The following DYNC1I1 variants were observed in gnomAD, a reference collection of about 807,000 sequenced individuals.
DYNC1I1 encodes the protein cytoplasmic dynein 1 intermediate chain 1.
DYNC1I1 carries 43 observed loss-of-function variants against 86.6 expected under a neutral mutation model. That is an observed-to-expected ratio of 0.50 (90% CI 0.39 to 0.64). The LOEUF (loss-of-function observed/expected upper bound fraction) is 0.64. Among genes scored for constraint, DYNC1I1 ranks in the 30% least tolerant of loss-of-function variants. The pLI is 0.00. For missense variants in DYNC1I1, 604 were observed against 788.8 expected (o/e 0.77, Z 2.81); for synonymous variants, 262 against 283.7 (o/e 0.92, Z 0.77).
intron 10 of DYNC1I1, among the ~76,000 whole-genome samples, chr7:96,013,271 G>A (rs937274627): frequency 2.6e-5 from 4 of 152,090 alleles, no homozygotes; most frequent in African/African-American, 9.7e-5. Context: ...GTGGCATGAT[G>A]CAAGAAATGA....
chr7:96,058,194 T>C (rs1436700591), intron 14 of DYNC1I1, among the ~76,000 whole-genome samples: 1 of 152,226 alleles, frequency 6.6e-6, no homozygotes, highest in African/African-American at 2.4e-5. Flanking sequence ...GTCAAAAGAA[T>C]ACTAGATTTG....
intron 4 of DYNC1I1, among the ~76,000 whole-genome samples, chr7:95,820,636 G>A (rs561816371): frequency 5.2e-5 from 8 of 152,382 alleles, no homozygotes; most frequent in African/African-American, 1.9e-4. Flanking sequence ...TTGAGTTCCA[G>A]TGCAGTTGCT....
chr7:95,793,858 C>T (rs1271333856), intron 1 of DYNC1I1, among the ~76,000 whole-genome samples: 2 of 152,176 alleles, frequency 1.3e-5, no homozygotes, highest in South Asian at 2.1e-4. Flanking sequence ...GAAGAGCCAC[C>T]GTGTGAGTTC....
intron 10 of DYNC1I1, among the ~76,000 whole-genome samples, chr7:96,020,243 A>G (rs1448264146): frequency 2.0e-5 from 3 of 152,034 alleles, no homozygotes; most frequent in African/African-American, 7.2e-5. Context: ...CATACCCGAG[A>G]CTGGGAAATT....
intron 10 of DYNC1I1, among the ~76,000 whole-genome samples, chr7:95,998,174 T>A (rs1793917825): frequency 6.6e-6 from 1 of 152,228 alleles, no homozygotes. Context: ...ATTCTCTTTT[T>A]CCAGTTGAGA....
intron 7 of DYNC1I1, among the ~76,000 whole-genome samples, chr7:95,984,115 T>C (rs925822036): frequency 1.3e-5 from 2 of 152,188 alleles, no homozygotes; most frequent in African/African-American, 4.8e-5. Context: ...CTTTGTCTCA[T>C]TTTTTATCTT....
intron 6 of DYNC1I1, among the ~76,000 whole-genome samples, chr7:95,926,358 A>G (rs1458745546): frequency 1.3e-5 from 2 of 152,282 alleles, no homozygotes; most frequent in Middle Eastern, 3.4e-3. Flanking sequence ...TTTAAATGAC[A>G]GCTTATAATA....
rs539900102 is a variant in DYNC1I1 at position 95,911,851 on chromosome 7, G to A, written c.490+41853G>A. Among the ~76,000 whole-genome samples the A allele has an allele frequency of 2.0e-5, 3 of 152,184 alleles. No homozygotes were observed. The South Asian group carries it at 6.2e-4, about 32-fold the overall frequency. On this transcript the variant is annotated intron_variant, in intron 6 of 16. Transcript: ENST00000447467. ...GCTATCCTACCAATAAGATAAATTA[G>A]AAAAATGTGTATAGCTAGTGTTTCA...
intron 6 of DYNC1I1, among the ~76,000 whole-genome samples, chr7:95,889,027 T>C (rs911287914): frequency 1.3e-5 from 2 of 152,156 alleles, no homozygotes; most frequent in Non-Finnish European, 2.9e-5. Flanking sequence ...GAAGCTGCAA[T>C]TGGGGTTTGA....
At chr7:95,834,986 A>C (rs1402536144) in intron 5 of DYNC1I1, among the ~76,000 whole-genome samples, 16 of 137,516 alleles carry the variant, frequency 1.2e-4, no homozygotes, top group East Asian at 4.4e-4. Flanking sequence ...TTCTGCTCTG[A>C]TTTTAGTTAT....
chr7:96,049,724 A>G (rs1355537013), intron 14 of DYNC1I1, among the ~76,000 whole-genome samples: 1 of 152,110 alleles, frequency 6.6e-6, no homozygotes, highest in African/African-American at 2.4e-5. Flanking sequence ...GCAATATAAT[A>G]CTTTGTTGAT....
intron 5 of DYNC1I1, among the ~76,000 whole-genome samples, chr7:95,839,531 A>C (rs201943365): frequency 6.6e-6 from 1 of 152,132 alleles, no homozygotes; most frequent in African/African-American, 2.4e-5. Context: ...CCATTTACAT[A>C]ATTTAGTTAT....
intron 7 of DYNC1I1, among the ~76,000 whole-genome samples, chr7:95,980,614 G>T (rs1274405329): frequency 7.3e-6 from 1 of 136,524 alleles, no homozygotes; most frequent in Non-Finnish European, 1.5e-5. Flanking sequence ...AAAATAATCA[G>T]TACTCACTAA....
intron 10 of DYNC1I1, among the ~76,000 whole-genome samples, chr7:96,009,167 C>T (rs942891034): frequency 1.3e-5 from 2 of 152,202 alleles, no homozygotes; most frequent in Non-Finnish European, 2.9e-5. Context: ...TCATTTGCAA[C>T]TTAGGCCCTC....
intron 6 of DYNC1I1, among the ~76,000 whole-genome samples, chr7:95,943,219 T>C (rs1170408541): frequency 1.7e-4 from 26 of 152,036 alleles, no homozygotes; most frequent in Admixed American, 1.4e-3. Context: ...AGCATTCTTA[T>C]ATGCCAATAA....
chr7:96,040,092 C>T lies in DYNC1I1; in HGVS notation c.1509+671C>T, dbSNP rs185916154. Among the ~76,000 whole-genome samples the T allele has an allele frequency of 5.8e-3, 876 of 151,832 alleles. 7 individuals are homozygous for T. The highest frequency in any genetic ancestry group is 0.02 in the African/African-American group (826 of 41,416). On this transcript the variant is annotated intron_variant, in intron 14 of 16. Transcript: ENST00000447467. ...CTACTAAAAATAGAAAAATTAGCTA[C>T]ATATGGTGGTACATGCCTGTAGTCC...
intron 14 of DYNC1I1, among the ~76,000 whole-genome samples, chr7:96,039,747 AG>A (rs1376138249): frequency 6.6e-6 from 1 of 151,514 alleles, no homozygotes; most frequent in East Asian, 1.9e-4. Context: ...TCCCCTCCCC[AG>A]GGGTAAACTT....
chr7:95,838,450 A>G (rs1270381004), intron 5 of DYNC1I1, among the ~76,000 whole-genome samples: 2 of 152,182 alleles, frequency 1.3e-5, no homozygotes, highest in East Asian at 3.9e-4. Context: ...ATAGTTTTGT[A>G]GTATAATTTG....
At chr7:95,813,203 G>A (rs753922109) in intron 3 of DYNC1I1, 44 bp from the exon 4 acceptor site, 4 of 1,610,272 alleles carry the variant, frequency 2.5e-6, no homozygotes, top group Non-Finnish European at 3.4e-6. Flanking sequence ...CAGTGCAGCC[G>A]CTGCATTTTT....
Sources: allele counts gnomAD v4.1 joint callset (sites outside exome capture counted in the v4.1 genomes callset), GRCh38; gene constraint gnomAD v4.1.1; transcripts MANE v1.5; gene names NCBI Gene and HGNC (gene_info 2026-07-23, HGNC 2026-07-21).